Variants in WSCD2 observed in about 807,000 individuals in gnomAD.
WSCD2 encodes the protein sialate:O-sulfotransferase 2.
Under a neutral mutation model 55.7 loss-of-function variants are expected in WSCD2, and 28 were observed. That is an observed-to-expected ratio of 0.50 (90% CI 0.37 to 0.69). WSCD2 has a LOEUF of 0.69. Ranked by LOEUF, WSCD2 falls within the 30% of genes least tolerant of loss-of-function variation. The pLI is 0.00. For synonymous variants in WSCD2, 301 were observed against 301.9 expected, an observed-to-expected ratio of 1.00 and a Z score of 0.03; for missense variants, 616 against 762.1, an observed-to-expected ratio of 0.81 and a Z score of 2.26.
rs972071771 is a variant in WSCD2, at chr12:108,250,321, T to C, written c.*1978T>C. ...TCGGGGTGGCAGGCGGGTTGGTGTA[T>C]AACTGCTTTGTGCCTGTGTGACTCT... On this transcript the variant is annotated 3_prime_UTR_variant, in exon 9 of 9. Coordinates refer to ENST00000547525, the MANE Select transcript of WSCD2 (RefSeq NM_014653.4). 1 of 152,246 alleles carries C rather than the reference T, an allele frequency of 6.6e-6. No homozygotes were observed. Among genetic ancestry groups the C allele is most frequent in the Non-Finnish European group, 1.5e-5 (1 of 68,076 alleles). 9.4% of individuals were successfully genotyped at this position (152,246 alleles called of 1,614,324 possible). A position where few individuals can be genotyped will look rare whatever the true frequency, so the allele number is the denominator to read the frequency against.
intron 1 of WSCD2, among the ~76,000 whole-genome samples, chr12:108,171,118 C>T (rs936957963): frequency 4.6e-5 from 7 of 152,320 alleles, no homozygotes; most frequent in Admixed American, 3.3e-4. Context: ...TCTTACCTCC[C>T]GCCCAGGAAG....
intron 1 of WSCD2, among the ~76,000 whole-genome samples, chr12:108,154,361 C>T (rs1407501645): frequency 6.6e-6 from 1 of 152,146 alleles, no homozygotes; most frequent in Non-Finnish European, 1.5e-5. Flanking sequence ...GGTCATGACC[C>T]CTTTTCATCC....
In WSCD2 at chr12:108,129,413, C is replaced by T. The variant is rs148526230; in HGVS notation, c.-1065C>T. ...AGGCAGCGAGAGAGAGCCAGGCGGC[C>T]GGAGCTCCGCGCCGAGCCGCAGCCG... On this transcript the variant is annotated 5_prime_UTR_variant, in exon 1 of 9. Coordinates refer to ENST00000547525, the MANE Select transcript of WSCD2 (RefSeq NM_014653.4). 4,464 of 150,686 alleles carry T rather than the reference C, an allele frequency of 0.03. 74 individuals carry two copies. Among genetic ancestry groups the T allele is most frequent in the Middle Eastern group, 0.079 (23 of 292 alleles). 9.3% of individuals were successfully genotyped at this position (150,686 alleles called of 1,614,324 possible).
chr12:108,134,990 T>C (rs1298309328), intron 1 of WSCD2, among the ~76,000 whole-genome samples: 2 of 152,220 alleles, frequency 1.3e-5, no homozygotes, highest in African/African-American at 4.8e-5. Flanking sequence ...GCATGTTTTA[T>C]GTAACTGATG....
chr12:108,228,980 A>T (rs759319393), intron 6 of WSCD2, among the ~76,000 whole-genome samples: 3 of 152,230 alleles, frequency 2.0e-5, no homozygotes, highest in African/African-American at 4.8e-5. Flanking sequence ...CCCTGTGATC[A>T]TGAATGGCTT....
chr12:108,209,447 G>C (rs149201775), intron 3 of WSCD2, among the ~76,000 whole-genome samples: 1 of 152,176 alleles, frequency 6.6e-6, no homozygotes, highest in East Asian at 1.9e-4. Context: ...GCAAGAAAGA[G>C]AGTGGGGTAG....
chr12:108,221,580 G>A (rs1887524157), intron 4 of WSCD2, among the ~76,000 whole-genome samples: 1 of 152,146 alleles, frequency 6.6e-6, no homozygotes. Flanking sequence ...CCACAAGATG[G>A]AAGACTGTCC....
chr12:108,189,054 AAG>A (rs1442970254), intron 1 of WSCD2, among the ~76,000 whole-genome samples: 3 of 152,216 alleles, frequency 2.0e-5, no homozygotes, highest in Admixed American at 6.5e-5. Context: ...TTATTTATAA[AAG>A]AGGGAAGACT....
intron 3 of WSCD2, among the ~76,000 whole-genome samples, chr12:108,207,902 G>A (rs1262545222): frequency 1.3e-5 from 2 of 152,266 alleles, no homozygotes; most frequent in Admixed American, 6.5e-5. Context: ...TGAGCTCACA[G>A]CCGGCAAGGG....
intron 1 of WSCD2, among the ~76,000 whole-genome samples, chr12:108,146,316 T>C (rs1282333324): frequency 6.6e-6 from 1 of 152,214 alleles, no homozygotes; most frequent in Non-Finnish European, 1.5e-5. Context: ...CAAGTTACTC[T>C]GTAGTTGAGT....
At chr12:108,141,282 G>A (rs542483008) in intron 1 of WSCD2, among the ~76,000 whole-genome samples, 187 of 152,194 alleles carry the variant, frequency 1.2e-3, no homozygotes, top group African/African-American at 4.3e-3. Flanking sequence ...AAAAATTTTT[G>A]AAGAGATAGA....
intron 1 of WSCD2, among the ~76,000 whole-genome samples, chr12:108,144,093 G>A (rs922918727): frequency 1.2e-4 from 18 of 151,838 alleles, no homozygotes; most frequent in African/African-American, 3.4e-4. Flanking sequence ...CCACTAATTC[G>A]GGCAATTTTA....
chr12:108,206,478 C>A (rs1400275575), intron 3 of WSCD2, 75 bp downstream of exon 3: 6 of 1,437,714 alleles, frequency 4.2e-6, no homozygotes, highest in Non-Finnish European at 5.8e-6. Flanking sequence ...TATTCTTTGC[C>A]CTGCTATGGG....
chr12:108,195,820 G>T lies in WSCD2; in HGVS notation c.-13G>T. The stretch of plus-strand genomic sequence containing the variant: ...AGCCAAGCCCCAGAGAGCCAGTCCG[G>T]AATGATCCCACTATGGCCAAGCTCT... On this transcript the variant is annotated 5_prime_UTR_variant, in exon 2 of 9. Transcript: ENST00000547525. 6.3e-7 allele frequency: 1 copy of T among 1,596,668 alleles called. No individual in the cohort carries two copies. Among genetic ancestry groups the T allele is most frequent in the Non-Finnish European group, 8.5e-7 (1 of 1,170,420 alleles).
chr12:108,177,968 A>T (rs747584134), intron 1 of WSCD2, among the ~76,000 whole-genome samples: 29 of 152,212 alleles, frequency 1.9e-4, no homozygotes, highest in Middle Eastern at 3.4e-3. Context: ...CATGCCACAT[A>T]TGAATTCTCT....
chr12:108,189,775 T>C (rs920001441), intron 1 of WSCD2: 3 of 152,168 alleles, frequency 2.0e-5, no homozygotes, highest in Non-Finnish European at 4.4e-5. Flanking sequence ...TAGGTATACA[T>C]GCACTCTACA....
chr12:108,248,347 G>C lies in WSCD2; in HGVS notation c.*4G>C, dbSNP rs191068644. The C allele has an allele frequency of 1.9e-6, 3 of 1,606,170 alleles. No homozygotes were observed. Among genetic ancestry groups the C allele is most frequent in the Non-Finnish European group, 2.6e-6 (3 of 1,174,272 alleles). On this transcript the variant is annotated 3_prime_UTR_variant, in exon 9 of 9. Transcript: ENST00000547525. The surrounding 1 kb of genome is among the most constrained non-coding windows in gnomAD (Gnocchi z 4.3). ...CGATGACTACTACCCAAGATGATGC[G>C]TCCACACAGGGGGAGGGTAGACTGG... is the stretch of plus-strand genomic sequence containing the variant.
chr12:108,162,903 G>A (rs2136944448), intron 1 of WSCD2, among the ~76,000 whole-genome samples: 1 of 152,312 alleles, frequency 6.6e-6, no homozygotes, highest in Non-Finnish European at 1.5e-5. Context: ...CAGGCTGTGT[G>A]TTGAGCCTGC....
At chr12:108,241,966 C>T (rs1056207543) in intron 8 of WSCD2, among the ~76,000 whole-genome samples, 1 of 152,228 alleles carries the variant, frequency 6.6e-6, no homozygotes, top group Non-Finnish European at 1.5e-5. Flanking sequence ...AGCCCACGCT[C>T]TTCAGCACTG....
Sources: allele counts gnomAD v4.1 joint callset (sites outside exome capture counted in the v4.1 genomes callset), GRCh38; gene constraint gnomAD v4.1.1; non-coding constraint Gnocchi (gnomAD v3.1); transcripts MANE v1.5; gene names NCBI Gene and HGNC (gene_info 2026-07-23, HGNC 2026-07-21).